Variants in CNTN4 observed in about 807,000 individuals in gnomAD.
The protein encoded by CNTN4 is contactin-4.
In CNTN4, 77 loss-of-function variants were observed where a neutral mutation model predicts 122.5. The ratio of observed to expected loss-of-function variants is 0.63; its 90% CI spans 0.52 to 0.76. The LOEUF (loss-of-function observed/expected upper bound fraction) is 0.76, where lower values mean the gene tolerates loss of function less well. Among genes scored for constraint, CNTN4 ranks in the 30% least tolerant of loss-of-function variants. The probability of loss-of-function intolerance (pLI) is 0.00; values close to 1 mark genes in which losing one functional copy is unlikely to be tolerated. For missense variants in CNTN4, 1,256 were observed against 1,259.1 expected, an observed-to-expected ratio of 1.00 and a Z score of 0.04; for synonymous variants, 512 against 447.0, an observed-to-expected ratio of 1.15 and a Z score of -1.83.
chr3:2,562,045 G>A (rs1024263855), intron 3 of CNTN4, among the ~76,000 whole-genome samples: 3 of 152,002 alleles, frequency 2.0e-5, no homozygotes, highest in African/African-American at 7.3e-5. Flanking sequence ...GTAATAACAC[G>A]GGAATGACAT....
At chr3:2,299,684 G>A (rs1036068503) in intron 2 of CNTN4, among the ~76,000 whole-genome samples, 6 of 151,992 alleles carry the variant, frequency 3.9e-5, no homozygotes, top group African/African-American at 1.2e-4. Context: ...GAAATTTAAC[G>A]TGTGTACACA....
intron 3 of CNTN4, among the ~76,000 whole-genome samples, chr3:2,528,771 C>T (rs888884114): frequency 1.3e-5 from 2 of 151,882 alleles, no homozygotes; most frequent in African/African-American, 4.8e-5. Context: ...AATTAGCCTA[C>T]AATATAATAA....
In CNTN4 at chr3:2,262,772, A is replaced by G. The variant is rs141344131; in HGVS notation, c.-144-76406A>G. Among the ~76,000 whole-genome samples, 7 of 152,246 alleles carry G rather than the reference A, an allele frequency of 4.6e-5. No homozygotes were observed. The South Asian group carries it at 8.3e-4, about 18-fold the overall frequency. On this transcript the variant is annotated intron_variant, in intron 2 of 24. Transcript: ENST00000418658. The stretch of plus-strand genomic sequence containing the variant: ...CTTGGCTGCAAGAAACAGAAAATTC[A>G]TAAGATCAGGAGCTTAAATGAGATA...
In CNTN4 at chr3:2,887,135, A is replaced by T; in HGVS notation, c.851A>T (p.Asn284Ile). Residue 284 changes from asparagine (N) to isoleucine (I), a missense_variant, in exon 10 of 25, where the codon AAT becomes ATT. Asn to Ile is a moderately radical substitution (Grantham distance 149). Coordinates refer to ENST00000418658, the MANE Select transcript of CNTN4 (RefSeq NM_175607.3). ...HKSNGILEIP[N>I]FQQEDAGLYE... ...TCAAATGGAATTCTTGAGATCCCTAATTTTCAGCAGGAGGATGCTGGTTTA... is the reference window on the plus strand; with the variant it reads ...TCAAATGGAATTCTTGAGATCCCTATTTTTCAGCAGGAGGATGCTGGTTTA... The T allele has an allele frequency of 6.2e-7, 1 of 1,614,130 alleles. No individual in the cohort carries two copies. Among genetic ancestry groups the T allele is most frequent in the East Asian group, 2.2e-5 (1 of 44,868 alleles).
At chr3:3,018,639 G>A (rs1323742172) in intron 14 of CNTN4, among the ~76,000 whole-genome samples, 2 of 152,146 alleles carry the variant, frequency 1.3e-5, no homozygotes, top group African/African-American at 4.8e-5. Flanking sequence ...ATTAGGAAAT[G>A]TTTTCAGGAT....
At chr3:2,410,154 A>G (rs974957867) in intron 3 of CNTN4, among the ~76,000 whole-genome samples, 6 of 152,220 alleles carry the variant, frequency 3.9e-5, no homozygotes, top group African/African-American at 7.2e-5. Flanking sequence ...AATTTAAATC[A>G]TATTCTTCTT....
intron 13 of CNTN4, among the ~76,000 whole-genome samples, chr3:2,947,990 A>AG (rs991765605): frequency 6.6e-5 from 10 of 151,858 alleles, no homozygotes; most frequent in African/African-American, 2.2e-4. Context: ...ATTTAATTGT[A>AG]GGGAAAAAAA....
At chr3:2,468,745 T>G (rs2075589890) in intron 3 of CNTN4, among the ~76,000 whole-genome samples, 1 of 152,144 alleles carries the variant, frequency 6.6e-6, no homozygotes, top group Non-Finnish European at 1.5e-5. Context: ...TATCTTCGCC[T>G]TTAGTTCTCA....
chr3:2,184,054 C>G (rs926794104), intron 2 of CNTN4, among the ~76,000 whole-genome samples: 2 of 152,124 alleles, frequency 1.3e-5, no homozygotes, highest in Non-Finnish European at 2.9e-5. Flanking sequence ...TTACTGCAGC[C>G]TCAGTCTCCT....
chr3:2,420,911 GAGAA>G (rs2047590777), intron 3 of CNTN4, among the ~76,000 whole-genome samples: 1 of 152,158 alleles, frequency 6.6e-6, no homozygotes. Flanking sequence ...TATTTTGTCA[GAGAA>G]AGAATGTACT....
intron 3 of CNTN4, among the ~76,000 whole-genome samples, chr3:2,541,311 T>TA (rs2078022738): frequency 6.6e-6 from 1 of 152,198 alleles, no homozygotes; most frequent in African/African-American, 2.4e-5. Flanking sequence ...GGTGAGGCTA[T>TA]AAAAAATAGA....
chr3:2,645,800 C>T (rs985033414), intron 4 of CNTN4, among the ~76,000 whole-genome samples: 11 of 152,114 alleles, frequency 7.2e-5, no homozygotes, highest in Non-Finnish European at 1.5e-4. Context: ...GCCTCAATAC[C>T]CAATAATATT....
At chr3:2,917,856 T>C (rs2094386078) in intron 12 of CNTN4, among the ~76,000 whole-genome samples, 1 of 152,182 alleles carries the variant, frequency 6.6e-6, no homozygotes, top group South Asian at 2.1e-4. Context: ...ATTGCTACAT[T>C]ATCCAAGAGT....
At chr3:3,056,028 T>A (rs1701758162) in intron 24 of CNTN4, 92 bp from the exon 25 acceptor site, 3 of 812,162 alleles carry the variant, frequency 3.7e-6, no homozygotes, top group Admixed American at 2.1e-5. Context: ...GTAGAATCCA[T>A]GCAGTTCTGC....
intron 3 of CNTN4, among the ~76,000 whole-genome samples, chr3:2,401,165 T>C (rs2046843995): frequency 6.6e-6 from 1 of 152,178 alleles, no homozygotes; most frequent in Non-Finnish European, 1.5e-5. Flanking sequence ...TAGTAGACTT[T>C]GCAGAGTATC....
chr3:2,830,316 A>G (rs1251968177), intron 7 of CNTN4, among the ~76,000 whole-genome samples: 2 of 152,232 alleles, frequency 1.3e-5, no homozygotes, highest in Admixed American at 1.3e-4. Flanking sequence ...TAAAAAGATT[A>G]TCTCCAGGTT....
chr3:2,426,076 T>G (rs1436554112), intron 3 of CNTN4, among the ~76,000 whole-genome samples: 2 of 152,180 alleles, frequency 1.3e-5, no homozygotes, highest in Non-Finnish European at 2.9e-5. Flanking sequence ...TCCTGCCTGA[T>G]TGCCCTGGCC....
intron 2 of CNTN4, among the ~76,000 whole-genome samples, chr3:2,120,078 C>A (rs1334288206): frequency 1.3e-5 from 2 of 151,608 alleles, no homozygotes; most frequent in African/African-American, 4.9e-5. Context: ...ATGTAAGGGG[C>A]AGTAGGTAAG....
At chr3:2,754,769 A>C (rs2090255294) in intron 6 of CNTN4, among the ~76,000 whole-genome samples, 1 of 152,022 alleles carries the variant, frequency 6.6e-6, no homozygotes, top group African/African-American at 2.4e-5. Flanking sequence ...GAAAAGAAAA[A>C]ATTTTAAAAA....
Sources: allele counts gnomAD v4.1 joint callset (sites outside exome capture counted in the v4.1 genomes callset), GRCh38; gene constraint gnomAD v4.1.1; transcripts MANE v1.5; gene names NCBI Gene and HGNC (gene_info 2026-07-23, HGNC 2026-07-21).